The following ARF1 variants were observed in gnomAD, a reference collection of about 807,000 sequenced individuals.
ARF1 encodes ADP-ribosylation factor 1.
Under a neutral mutation model 18.0 loss-of-function variants are expected in ARF1, and 1 was observed. The ratio of observed to expected loss-of-function variants is 0.06; its 90% CI spans 0.02 to 0.26. ARF1 has a LOEUF of 0.26. Ranked by LOEUF, ARF1 falls within the 10% of genes least tolerant of loss-of-function variation. ARF1 has a pLI of 1.00. For synonymous variants in ARF1, 112 were observed against 96.3 expected, an observed-to-expected ratio of 1.16 and a Z score of -0.95; for missense variants, 73 against 247.2, an observed-to-expected ratio of 0.30 and a Z score of 4.73.
rs369190394 is a variant in ARF1, at chr1:228,097,333, C to T, written c.149-9C>T. 72 of 1,613,240 alleles carry T rather than the reference C, an allele frequency of 4.5e-5. No homozygotes were observed. In the African/African-American group the frequency reaches 4.9e-4, roughly 11 times the overall value. On this transcript the variant is annotated splice_polypyrimidine_tract_variant and intron_variant, in intron 2 of 4. Coordinates refer to ENST00000272102, the MANE Select transcript of ARF1 (RefSeq NM_001658.4). The surrounding 1 kb of genome is among the most constrained non-coding windows in gnomAD (Gnocchi z 8.1). ...AGGTACAAGGCCTCACCCTGCATCC[C>T]GCACCCAGGCTTCAACGTGGAAACC...
chr1:228,087,874 T>C (rs1205979221), intron 1 of ARF1, among the ~76,000 whole-genome samples: 1 of 152,210 alleles, frequency 6.6e-6, no homozygotes, highest in Non-Finnish European at 1.5e-5. Flanking sequence ...TGCAATTCCT[T>C]GTTGATGCGA....
In ARF1 at chr1:228,093,225, C is replaced by G. The variant is rs562500420; in HGVS notation, c.-37-3853C>G. 4.6e-5 allele frequency among the ~76,000 whole-genome samples: 7 copies of G among 152,222 alleles called. No homozygotes were observed. The South Asian group carries it at 1.2e-3, about 27-fold the overall frequency. On this transcript the variant is annotated intron_variant, in intron 1 of 4. Coordinates refer to ENST00000272102, the MANE Select transcript of ARF1 (RefSeq NM_001658.4). ...GCGGGTTTTGGCTTGTGTGCAGGGA[C>G]TCTGGTGGAAGAAAGGGTGACAGCA...
chr1:228,087,881 G>C (rs925597529), intron 1 of ARF1, among the ~76,000 whole-genome samples: 1 of 152,190 alleles, frequency 6.6e-6, no homozygotes, highest in African/African-American at 2.4e-5. Context: ...CCTTGTTGAT[G>C]CGATAGGTTT....
intron 1 of ARF1, among the ~76,000 whole-genome samples, chr1:228,083,682 C>T (rs2032296724): frequency 1.3e-5 from 2 of 152,356 alleles, no homozygotes; most frequent in South Asian, 4.1e-4. Flanking sequence ...TGCTCGCAGA[C>T]TCTAGGCCGC....
At chr1:228,083,121 C>T (rs2032271194) in intron 1 of ARF1, 1 of 152,408 alleles carries the variant, frequency 6.6e-6, no homozygotes, top group African/African-American at 2.4e-5. Context: ...CTGCTTCCCT[C>T]GCCTCTGCCT....
chr1:228,097,698 G>T lies in ARF1; in HGVS notation c.367G>T (p.Val123Leu). 6.2e-7 allele frequency: 1 copy of T among 1,611,302 alleles called. No individual in the cohort carries two copies. The highest frequency in any genetic ancestry group is 1.1e-5 in the South Asian group (1 of 90,856). ...CGAGCTCCGGGATGCTGTCCTCCTG[G>T]TGTTCGCCAACAAGCAGGTAGGCGC... ...EDELRDAVLL[V>L]FANKQDLPNA... Residue 123 changes from valine (V) to leucine (L), a missense_variant, in exon 4 of 5, where the codon GTG (valine) becomes TTG (leucine). This residue lies in a region of ARF1 where 48 missense variants were observed against 144.7 expected (regional missense o/e 0.33). Transcript: ENST00000272102. This position sits in a 1 kb window ranked among gnomAD's most constrained non-coding sequence, Gnocchi z 8.1.
Position 228,089,666 on chromosome 1 carries a change from C to T in ARF1, c.-38+6901C>T, listed in dbSNP as rs1365161840. On this transcript the variant is annotated intron_variant, in intron 1 of 4. Coordinates refer to ENST00000272102, the MANE Select transcript of ARF1 (RefSeq NM_001658.4). The surrounding 1 kb of genome is among the most constrained non-coding windows in gnomAD (Gnocchi z 4.1). ...TGCGGAGAAGCTACAAGGGCCCCAC[C>T]CCCTTCTAGTGGTTGGAGGAAGGAG... Among the ~76,000 whole-genome samples, 1 of 152,150 alleles carries T rather than the reference C, an allele frequency of 6.6e-6. No homozygotes were observed. Among genetic ancestry groups the T allele is most frequent in the Non-Finnish European group, 1.5e-5 (1 of 68,026 alleles).
rs1287775656 is a variant in ARF1, at chr1:228,098,393, T to C, written c.*380T>C. On this transcript the variant is annotated 3_prime_UTR_variant, in exon 5 of 5. Coordinates refer to ENST00000272102, the MANE Select transcript of ARF1 (RefSeq NM_001658.4). The stretch of plus-strand genomic sequence containing the variant: ...GCTGTGTTGAAATCCATTTTGGTGG[T>C]TGGTTTTTAACCCAAACTCAGTGCA... The C allele has an allele frequency of 4.8e-5, 8 of 165,020 alleles. No individual in the cohort carries two copies. The highest frequency in any genetic ancestry group is 3.9e-5 in the Non-Finnish European group (3 of 76,708). 10.2% of individuals were successfully genotyped at this position (165,020 alleles called of 1,614,324 possible).
Position 228,099,158 on chromosome 1 carries a change from C to T in ARF1, c.*1145C>T, listed in dbSNP as rs996621285. On this transcript the variant is annotated 3_prime_UTR_variant, in exon 5 of 5. Coordinates refer to ENST00000272102, the MANE Select transcript of ARF1 (RefSeq NM_001658.4). ...GTATACTTGTTTTCAGTTTTCATTT[C>T]GACAAACAAGCACTGTAATTATAGC... is the stretch of plus-strand genomic sequence containing the variant. 7 of 152,648 alleles carry T rather than the reference C, an allele frequency of 4.6e-5. No individual in the cohort carries two copies. Among genetic ancestry groups the T allele is most frequent in the South Asian group, 2.1e-4 (1 of 4,834 alleles). 9.5% of individuals were successfully genotyped at this position (152,648 alleles called of 1,614,324 possible). A position where few individuals can be genotyped will look rare whatever the true frequency, so the allele number is the denominator to read the frequency against.
At chr1:228,084,040 G>A in intron 1 of ARF1, among the ~76,000 whole-genome samples, 1 of 152,238 alleles carries the variant, frequency 6.6e-6, no homozygotes, top group Non-Finnish European at 1.5e-5. Flanking sequence ...GCTGTTGCAA[G>A]GCTGGTGGTT....
At chr1:228,087,721 C>T (rs1333128954) in intron 1 of ARF1, among the ~76,000 whole-genome samples, 1 of 152,122 alleles carries the variant, frequency 6.6e-6, no homozygotes, top group Non-Finnish European at 1.5e-5. Flanking sequence ...CACATCCTTC[C>T]CTCCCTCTTG....
At chr1:228,096,513 C>T (rs1337270399) in intron 1 of ARF1, 2 of 152,514 alleles carry the variant, frequency 1.3e-5, no homozygotes, top group Non-Finnish European at 2.9e-5. Flanking sequence ...TGGTGGGTGC[C>T]AGCTGACTTA....
Position 228,099,023 on chromosome 1 carries a change from C to G in ARF1, c.*1010C>G, listed in dbSNP as rs2032861791. ...CTTTTTTCTTTTGTATTTTGATAAACACTGAAGCTGGAGCTGTTAAATTTA... is the reference window on the plus strand; with the variant it reads ...CTTTTTTCTTTTGTATTTTGATAAAGACTGAAGCTGGAGCTGTTAAATTTA... On this transcript the variant is annotated 3_prime_UTR_variant, in exon 5 of 5. Transcript: ENST00000272102. 1 of 152,656 alleles carries G rather than the reference C, an allele frequency of 6.6e-6. No individual in the cohort carries two copies. Among genetic ancestry groups the G allele is most frequent in the African/African-American group, 2.4e-5 (1 of 41,462 alleles). 9.5% of individuals were successfully genotyped at this position (152,656 alleles called of 1,614,324 possible). A position where few individuals can be genotyped will look rare whatever the true frequency, so the allele number is the denominator to read the frequency against.
At chr1:228,096,711 G>A (rs2032758745) in intron 1 of ARF1, among the ~76,000 whole-genome samples, 1 of 152,220 alleles carries the variant, frequency 6.6e-6, no homozygotes, top group South Asian at 2.1e-4. Context: ...AGTGAGTGGT[G>A]CTCTCTGGCC....
At chr1:228,088,521 G>GA (rs950943555) in intron 1 of ARF1, among the ~76,000 whole-genome samples, 7 of 151,744 alleles carry the variant, frequency 4.6e-5, no homozygotes, top group African/African-American at 1.5e-4. Context: ...TTATAAATAT[G>GA]AAAAAAAAAT....
chr1:228,087,314 C>G (rs558656052), intron 1 of ARF1, among the ~76,000 whole-genome samples: 3 of 152,216 alleles, frequency 2.0e-5, no homozygotes, highest in Non-Finnish European at 4.4e-5. Context: ...ATCATCTATA[C>G]TCATCCTGGG....
rs1297824687 is a variant in ARF1 at position 228,097,528 on chromosome 1, A to G, written c.260-63A>G. Reference sequence around the variant, plus strand: ...GGGCCAGCCCATAGATGGGGCATCGATGCCCATAGATGCGGCAGGGGGGCT... The same window carrying G: ...GGGCCAGCCCATAGATGGGGCATCGGTGCCCATAGATGCGGCAGGGGGGCT... On this transcript the variant is annotated intron_variant, in intron 3 of 4. Transcript: ENST00000272102. This position sits in a 1 kb window ranked among gnomAD's most constrained non-coding sequence, Gnocchi z 8.1. The G allele has an allele frequency of 6.2e-7, 1 of 1,613,688 alleles. No individual in the cohort carries two copies. The highest frequency in any genetic ancestry group is 8.5e-7 in the Non-Finnish European group (1 of 1,179,874).
In ARF1 at chr1:228,089,518, C is replaced by G. The variant is rs2032506719; in HGVS notation, c.-38+6753C>G. On this transcript the variant is annotated intron_variant, in intron 1 of 4. Transcript: ENST00000272102. This position sits in a 1 kb window ranked among gnomAD's most constrained non-coding sequence, Gnocchi z 4.1. ...TTTTGATTTCTCTGGAAGAGCAAGT[C>G]TTTGTGTGGTGTTTCCCCTCAGCCT... Among the ~76,000 whole-genome samples the G allele has an allele frequency of 6.6e-6, 1 of 152,210 alleles. No individual in the cohort carries two copies. The highest frequency in any genetic ancestry group is 1.5e-5 in the Non-Finnish European group (1 of 68,050).
In ARF1 at chr1:228,089,996, G is replaced by A. The variant is rs1425261376; in HGVS notation, c.-37-7082G>A. Among the ~76,000 whole-genome samples, 1 of 152,232 alleles carries A rather than the reference G, an allele frequency of 6.6e-6. No individual in the cohort carries two copies. Among genetic ancestry groups the A allele is most frequent in the African/African-American group, 2.4e-5 (1 of 41,462 alleles). ...CATCAGATAGCTCCGCTACGTGTGC[G>A]CTGACCATGCTGAGATGGGCACTGT... On this transcript the variant is annotated intron_variant, in intron 1 of 4. Transcript: ENST00000272102. The surrounding 1 kb of genome is among the most constrained non-coding windows in gnomAD (Gnocchi z 4.1).
Sources: gnomAD v4.1 joint callset for allele counts (sites outside exome capture counted in the v4.1 genomes callset) on GRCh38, gnomAD v4.1.1 for gene constraint, gnomAD v4.1.1 regional missense constraint, Gnocchi (gnomAD v3.1) non-coding constraint, MANE v1.5 for transcripts, NCBI Gene and HGNC (gene_info 2026-07-23, HGNC 2026-07-21) for gene names.